The following CCDC152 variants were observed in gnomAD, a reference collection of about 807,000 sequenced individuals.
CCDC152 encodes the protein coiled-coil domain containing 152.
In CCDC152, 37 loss-of-function variants were observed where a neutral mutation model predicts 38.1. That is an observed-to-expected ratio of 0.97 (90% confidence interval 0.75 to 1.28). The LOEUF (loss-of-function observed/expected upper bound fraction) is 1.28, where lower values mean the gene tolerates loss of function less well. Among genes scored for constraint, CCDC152 ranks in the 50% most tolerant of loss-of-function variants. The pLI is 0.00. For missense variants in CCDC152, 259 were observed against 292.1 expected, an observed-to-expected ratio of 0.89 and a Z score of 0.83; for synonymous variants, 83 against 87.1, an observed-to-expected ratio of 0.95 and a Z score of 0.26.
chr5:42,757,077 A>G (rs3797311), intron 1 of CCDC152, among the ~76,000 whole-genome samples, 192 bp downstream of exon 1: 39,140 of 147,956 alleles, frequency 0.26, 5,623 homozygotes, highest in Admixed American at 0.38. Flanking sequence ...AGCGATTCGA[A>G]ACTCCCGCTT....
chr5:42,781,544 T>TGC (rs67699328), intron 5 of CCDC152, among the ~76,000 whole-genome samples: 14 of 148,912 alleles, frequency 9.4e-5, no homozygotes, highest in Admixed American at 5.3e-4. Flanking sequence ...CTGAGAAAAA[T>TGC]GCGCGCGCGC....
chr5:42,772,552 A>G (rs1296176248), intron 4 of CCDC152, among the ~76,000 whole-genome samples: 1 of 151,722 alleles, frequency 6.6e-6, no homozygotes, highest in African/African-American at 2.4e-5. Context: ...TCGAGAGGCT[A>G]AGGCAGGAAA....
intron 5 of CCDC152, among the ~76,000 whole-genome samples, chr5:42,782,672 T>C (rs1759861873): frequency 6.6e-6 from 1 of 152,084 alleles, no homozygotes; most frequent in Non-Finnish European, 1.5e-5. Flanking sequence ...AGAGTAGTTT[T>C]TTAATGTTCT....
Position 42,792,945 on chromosome 5 carries a change from C to T in CCDC152, c.431-3884C>T, listed in dbSNP as rs151304166. Among the ~76,000 whole-genome samples, 200 of 152,258 alleles carry T rather than the reference C, an allele frequency of 1.3e-3. 1 individual carries two copies. Among genetic ancestry groups the T allele is most frequent in the African/African-American group, 4.5e-3 (187 of 41,536 alleles). ...ACCATCTGACCCAGCATTCGCACTC[C>T]TGGGTATTTACCCAAGAGGAATGAA... On this transcript the variant is annotated intron_variant, in intron 6 of 8. Transcript: ENST00000361970.
intron 6 of CCDC152, among the ~76,000 whole-genome samples, chr5:42,786,772 T>C (rs1323974719): frequency 1.3e-5 from 2 of 152,044 alleles, no homozygotes; most frequent in Non-Finnish European, 2.9e-5. Flanking sequence ...CTTCCTCAGG[T>C]AGGCATTTAG....
At chr5:42,759,098 A>C in intron 1 of CCDC152, 22 bp from the exon 2 acceptor site, 1 of 1,446,350 alleles carries the variant, frequency 6.9e-7, no homozygotes, top group South Asian at 1.2e-5. Flanking sequence ...ATTTAACACT[A>C]TCTACTGTTT....
chr5:42,766,770 G>T (rs929674485), intron 3 of CCDC152, among the ~76,000 whole-genome samples: 1 of 152,078 alleles, frequency 6.6e-6, no homozygotes, highest in Non-Finnish European at 1.5e-5. Flanking sequence ...GAAGGGTAGT[G>T]GGGGGCTGGA....
intron 6 of CCDC152, among the ~76,000 whole-genome samples, chr5:42,784,559 G>A (rs1229355015): frequency 6.6e-6 from 1 of 152,006 alleles, no homozygotes; most frequent in Non-Finnish European, 1.5e-5. Flanking sequence ...TCTGTAGGTT[G>A]TCTGTTTATG....
Position 42,799,798 on chromosome 5 carries a change from A to G in CCDC152, c.*17A>G, listed in dbSNP as rs1429027010. 5 of 1,547,138 alleles carry G rather than the reference A, an allele frequency of 3.2e-6. No homozygotes were observed. Among genetic ancestry groups the G allele is most frequent in the Non-Finnish European group, 4.4e-6 (5 of 1,145,940 alleles). On this transcript the variant is annotated 3_prime_UTR_variant, in exon 9 of 9. Coordinates refer to ENST00000361970, the MANE Select transcript of CCDC152 (RefSeq NM_001134848.2). ...CGGTTTTGAGCTTAGCAGTAAATTCATTAGTTGGTATTTATTTAAAAGCAA... is the reference window on the plus strand; with the variant it reads ...CGGTTTTGAGCTTAGCAGTAAATTCGTTAGTTGGTATTTATTTAAAAGCAA...
chr5:42,789,118 G>A (rs1759964494), intron 6 of CCDC152, among the ~76,000 whole-genome samples: 2 of 152,248 alleles, frequency 1.3e-5, no homozygotes, highest in African/African-American at 4.8e-5. Flanking sequence ...TGTCACAAGG[G>A]CAGACGACCT....
At chr5:42,760,902 ATC>A (rs1327754262) in intron 2 of CCDC152, among the ~76,000 whole-genome samples, 9 of 152,228 alleles carry the variant, frequency 5.9e-5, no homozygotes, top group Non-Finnish European at 1.2e-4. Context: ...ATTTGGAAAT[ATC>A]TGTCATATTC....
At position 42,795,640 on chromosome 5, in the gene CCDC152, A is replaced by G. The variant is rs995736707; in HGVS notation, c.431-1189A>G. 2.0e-5 allele frequency among the ~76,000 whole-genome samples: 3 copies of G among 152,218 alleles called. No homozygotes were observed. The South Asian group carries it at 6.2e-4, about 31-fold the overall frequency. ...ATCATAAATGAAAAAGTAAATTTCA[A>G]CCTATTTCAAAGGTTTAAATCATAC... On this transcript the variant is annotated intron_variant, in intron 6 of 8. Coordinates refer to ENST00000361970, the MANE Select transcript of CCDC152 (RefSeq NM_001134848.2).
chr5:42,778,101 T>G (rs777523256), intron 4 of CCDC152, among the ~76,000 whole-genome samples: 30 of 152,222 alleles, frequency 2.0e-4, no homozygotes, highest in Non-Finnish European at 3.8e-4. Flanking sequence ...GAAATTGTAA[T>G]AGGATGTCTA....
In CCDC152 at chr5:42,799,827, A is replaced by G. The variant is rs1247337315; in HGVS notation, c.*46A>G. 6.5e-7 allele frequency: 1 copy of G among 1,541,006 alleles called. No homozygotes were observed. The highest frequency in any genetic ancestry group is 8.8e-7 in the Non-Finnish European group (1 of 1,142,666). On this transcript the variant is annotated 3_prime_UTR_variant, in exon 9 of 9. Coordinates refer to ENST00000361970, the MANE Select transcript of CCDC152 (RefSeq NM_001134848.2). Reference sequence around the variant, plus strand: ...GTTGGTATTTATTTAAAAGCAATCGAAAGTTTCACTTCTGTTTTCAATATA... The same window carrying G: ...GTTGGTATTTATTTAAAAGCAATCGGAAGTTTCACTTCTGTTTTCAATATA...
intron 6 of CCDC152, among the ~76,000 whole-genome samples, chr5:42,790,058 A>G (rs1370116971): frequency 6.6e-6 from 1 of 152,256 alleles, no homozygotes; most frequent in Non-Finnish European, 1.5e-5. Context: ...GGAAATGGAT[A>G]TTTGATAAAG....
intron 6 of CCDC152, among the ~76,000 whole-genome samples, chr5:42,788,898 GGGGTATATTTGCA>G (rs1175038032): frequency 2.5e-4 from 38 of 152,150 alleles, no homozygotes; most frequent in African/African-American, 9.2e-4. Flanking sequence ...AGCAGCTTGT[GGGGTATATTTGCA>G]GGGGATTTGG....
intron 4 of CCDC152, among the ~76,000 whole-genome samples, chr5:42,777,540 G>C (rs1045396693): frequency 2.0e-5 from 3 of 151,536 alleles, no homozygotes; most frequent in African/African-American, 7.3e-5. Context: ...TCAAATATTT[G>C]ATAGCCTATG....
At position 42,801,883 on chromosome 5, in the gene CCDC152, C is replaced by G. The variant is rs953562017; in HGVS notation, c.*2102C>G. Reference sequence around the variant, plus strand: ...AGTGAGCTCAGATGGTGCCACTGCACTCCAGCCTGGGTGACAGAGTCAGAC... The same window carrying G: ...AGTGAGCTCAGATGGTGCCACTGCAGTCCAGCCTGGGTGACAGAGTCAGAC... On this transcript the variant is annotated 3_prime_UTR_variant, in exon 9 of 9. Coordinates refer to ENST00000361970, the MANE Select transcript of CCDC152 (RefSeq NM_001134848.2). 2 of 152,764 alleles carry G rather than the reference C, an allele frequency of 1.3e-5. No individual in the cohort carries two copies. Among genetic ancestry groups the G allele is most frequent in the Non-Finnish European group, 2.9e-5 (2 of 68,528 alleles). The allele number at this position is 152,764 out of a possible 1,614,324, so 9.5% of individuals were successfully genotyped here.
At chr5:42,762,618 T>C (rs1235636796) in intron 3 of CCDC152, 70 bp downstream of exon 3, 1 of 791,748 alleles carries the variant, frequency 1.3e-6, no homozygotes, top group Non-Finnish European at 2.1e-6. Context: ...GTGATTAATA[T>C]TACACCATAT....
Sources: allele counts gnomAD v4.1 joint callset (sites outside exome capture counted in the v4.1 genomes callset), GRCh38; gene constraint gnomAD v4.1.1; transcripts MANE v1.5; gene names NCBI Gene and HGNC (gene_info 2026-07-23, HGNC 2026-07-21).